The following TAOK3 variants were observed in gnomAD, a reference collection of about 807,000 sequenced individuals.
TAOK3 encodes serine/threonine-protein kinase TAO3.
In TAOK3, 40 loss-of-function variants were observed where a neutral mutation model predicts 120.4. The ratio of observed to expected loss-of-function variants is 0.33; its 90% CI spans 0.26 to 0.43. TAOK3 has a LOEUF of 0.43. Among genes scored for constraint, TAOK3 ranks in the 20% least tolerant of loss-of-function variants. TAOK3 has a pLI of 1.00. For synonymous variants in TAOK3, 355 were observed against 387.5 expected, an observed-to-expected ratio of 0.92 and a Z score of 0.99; for missense variants, 821 against 1,112.1, an observed-to-expected ratio of 0.74 and a Z score of 3.72.
At chr12:118,213,747 G>A (rs908396432) in intron 10 of TAOK3, among the ~76,000 whole-genome samples, 2 of 152,154 alleles carry the variant, frequency 1.3e-5, no homozygotes, top group African/African-American at 2.4e-5. Context: ...GACTTGTTAG[G>A]AGGGTAGCAG....
At chr12:118,303,295 C>T (rs1449367007) in intron 1 of TAOK3, among the ~76,000 whole-genome samples, 1 of 152,164 alleles carries the variant, frequency 6.6e-6, no homozygotes, top group Non-Finnish European at 1.5e-5. Context: ...AGGTATTTCA[C>T]TTAATTTGCA....
chr12:118,205,162 T>C (rs1298271247), intron 11 of TAOK3, among the ~76,000 whole-genome samples: 5 of 151,596 alleles, frequency 3.3e-5, no homozygotes, highest in Non-Finnish European at 2.9e-5. Flanking sequence ...AGAGTGAGAC[T>C]CTGTTTAAAA....
intron 11 of TAOK3, 105 bp from the exon 12 acceptor site, chr12:118,201,568 T>TAAA (rs1315337829): frequency 2.1e-6 from 2 of 956,370 alleles, no homozygotes; most frequent in Non-Finnish European, 2.9e-6. Context: ...GTTCTATGGA[T>TAAA]ATTACAGAAA....
intron 1 of TAOK3, among the ~76,000 whole-genome samples, chr12:118,294,844 T>A (rs1239605087): frequency 6.6e-6 from 1 of 152,164 alleles, no homozygotes; most frequent in Non-Finnish European, 1.5e-5. Flanking sequence ...TGAGGATGAT[T>A]CCTCAAGGCT....
At chr12:118,248,945 G>A (rs535637925) in intron 3 of TAOK3, among the ~76,000 whole-genome samples, 132 of 151,848 alleles carry the variant, frequency 8.7e-4, no homozygotes, top group Non-Finnish European at 1.5e-3. Flanking sequence ...TTTTTATACT[G>A]GCTAAAAGTC....
intron 1 of TAOK3, among the ~76,000 whole-genome samples, chr12:118,287,551 C>T (rs1005437063): frequency 6.6e-6 from 1 of 152,120 alleles, no homozygotes; most frequent in African/African-American, 2.4e-5. Context: ...AACTGGAAAA[C>T]AGAAGTCTTA....
In TAOK3 at chr12:118,160,215, C is replaced by G; in HGVS notation, c.2283G>C (p.Gln761His). ...KTILKTLKDEQTRKLAILAEQ... is the reference protein window; with the variant it reads ...KTILKTLKDEHTRKLAILAEQ... ...CTGCCAAAATGGCAAGTTTTCTTGTCTGCTCATCTTTCAGTGTCTTTAAGA... is the reference window on the plus strand; with the variant it reads ...CTGCCAAAATGGCAAGTTTTCTTGTGTGCTCATCTTTCAGTGTCTTTAAGA... The change falls in exon 19 of 21, where the codon CAG becomes CAC. Residue 761 changes from glutamine to histidine, a missense_variant. Physicochemically the swap from Gln to His is conservative, Grantham distance 24. Transcript: ENST00000392533. The surrounding 1 kb of genome is among the most constrained non-coding windows in gnomAD (Gnocchi z 4.2). 1 of 1,614,196 alleles carries G rather than the reference C, an allele frequency of 6.2e-7. No homozygotes were observed. Among genetic ancestry groups the G allele is most frequent in the South Asian group, 1.1e-5 (1 of 91,082 alleles).
chr12:118,356,766 T>C (rs886934688), intron 1 of TAOK3, among the ~76,000 whole-genome samples: 1 of 151,756 alleles, frequency 6.6e-6, no homozygotes, highest in Non-Finnish European at 1.5e-5. Context: ...AAAGAAACTT[T>C]AAAAAATTAG....
chr12:118,213,514 C>G (rs996981402), intron 10 of TAOK3, among the ~76,000 whole-genome samples: 6 of 152,024 alleles, frequency 3.9e-5, no homozygotes, highest in Non-Finnish European at 8.8e-5. Flanking sequence ...TAAAATAACT[C>G]TTGTGGCCCA....
At chr12:118,284,639 GA>G (rs1360458214) in intron 1 of TAOK3, among the ~76,000 whole-genome samples, 1 of 152,156 alleles carries the variant, frequency 6.6e-6, no homozygotes, top group Non-Finnish European at 1.5e-5. Flanking sequence ...AAAATAGAAA[GA>G]GATGGAGATT....
intron 3 of TAOK3, chr12:118,246,622 T>C (rs2040521227): frequency 6.3e-7 from 1 of 1,575,094 alleles, no homozygotes. Flanking sequence ...CCCCACACTG[T>C]CCCTTGCAAG....
intron 1 of TAOK3, among the ~76,000 whole-genome samples, chr12:118,309,894 A>G (rs776916971): frequency 2.0e-5 from 3 of 151,506 alleles, no homozygotes; most frequent in Non-Finnish European, 2.9e-5. Context: ...TAGCTCAAAA[A>G]CCTGAGTTTT....
At chr12:118,204,647 C>A (rs2038201156) in intron 11 of TAOK3, among the ~76,000 whole-genome samples, 1 of 152,176 alleles carries the variant, frequency 6.6e-6, no homozygotes, top group African/African-American at 2.4e-5. Context: ...CTAGTGCTTA[C>A]AATTATAAAG....
chr12:118,221,976 A>C (rs947839036), intron 9 of TAOK3, among the ~76,000 whole-genome samples: 3 of 151,860 alleles, frequency 2.0e-5, no homozygotes, highest in Admixed American at 6.6e-5. Flanking sequence ...GTAGAAGCAT[A>C]CAAACGTTGA....
intron 1 of TAOK3, among the ~76,000 whole-genome samples, chr12:118,320,834 T>C (rs1441616677): frequency 6.6e-6 from 1 of 152,158 alleles, no homozygotes; most frequent in Non-Finnish European, 1.5e-5. Flanking sequence ...CTATTTATAA[T>C]GATAATTACA....
intron 1 of TAOK3, among the ~76,000 whole-genome samples, chr12:118,289,815 C>T (rs1304717008): frequency 1.3e-5 from 2 of 152,012 alleles, no homozygotes; most frequent in South Asian, 2.1e-4. Context: ...GCAAACATGG[C>T]GAAACCCCCA....
chr12:118,343,554 G>C (rs2044721307), intron 1 of TAOK3, among the ~76,000 whole-genome samples: 1 of 152,060 alleles, frequency 6.6e-6, no homozygotes, highest in Admixed American at 6.5e-5. Flanking sequence ...TTTGATATGT[G>C]CAGGGAACTG....
At chr12:118,214,565 C>G (rs1360177046) in intron 9 of TAOK3, among the ~76,000 whole-genome samples, 4 of 150,784 alleles carry the variant, frequency 2.7e-5, no homozygotes, top group African/African-American at 7.3e-5. Flanking sequence ...AAAAAGATTA[C>G]TATAAAATGC....
At chr12:118,243,829 A>C (rs1229080355) in intron 4 of TAOK3, among the ~76,000 whole-genome samples, 2 of 152,020 alleles carry the variant, frequency 1.3e-5, no homozygotes, top group Non-Finnish European at 1.5e-5. Flanking sequence ...GGCGTGCACC[A>C]CCAGACCAAA....
Sources: gnomAD v4.1 joint callset for allele counts (sites outside exome capture counted in the v4.1 genomes callset) on GRCh38, gnomAD v4.1.1 for gene constraint, Gnocchi (gnomAD v3.1) non-coding constraint, MANE v1.5 for transcripts, NCBI Gene and HGNC (gene_info 2026-07-23, HGNC 2026-07-21) for gene names.